The following MYB variants were observed in gnomAD, a reference collection of about 807,000 sequenced individuals.
MYB encodes the protein transcriptional activator Myb.
A neutral mutation model predicts 92.9 loss-of-function variants in MYB; 28 were observed. The ratio of observed to expected loss-of-function variants is 0.30; its 90% CI spans 0.22 to 0.41. The LOEUF is 0.41. Among genes scored for constraint, MYB ranks in the 10% least tolerant of loss-of-function variants. The pLI is 1.00. For missense variants in MYB, 679 were observed against 929.3 expected (o/e 0.73, Z 3.50); for synonymous variants, 295 against 329.1 (o/e 0.90, Z 1.12).
intron 13 of MYB, among the ~76,000 whole-genome samples, chr6:135,201,151 C>T (rs1778030590): frequency 6.6e-6 from 1 of 152,136 alleles, no homozygotes; most frequent in East Asian, 1.9e-4. Flanking sequence ...TTGGCAACAG[C>T]TGTTTTCCAC....
At chr6:135,184,607 C>A (rs1399375483) in intron 1 of MYB, among the ~76,000 whole-genome samples, 1 of 152,000 alleles carries the variant, frequency 6.6e-6, no homozygotes, top group African/African-American at 2.4e-5. Context: ...TATGAGAACC[C>A]CCAATTCAGG....
chr6:135,197,534 T>C (rs1562378490), intron 10 of MYB, among the ~76,000 whole-genome samples: 1 of 152,228 alleles, frequency 6.6e-6, no homozygotes, highest in Non-Finnish European at 1.5e-5. Flanking sequence ...TCATTCTCTC[T>C]CTTTTACTTT....
intron 15 of MYB, 123 bp downstream of exon 15, chr6:135,203,447 G>C (rs1395820218): frequency 2.6e-6 from 2 of 756,018 alleles, no homozygotes; most frequent in Non-Finnish European, 4.3e-6. Flanking sequence ...CAACATTTTA[G>C]ACATAGGGGA....
chr6:135,210,054 G>A (rs2128316213), intron 15 of MYB, among the ~76,000 whole-genome samples: 1 of 152,352 alleles, frequency 6.6e-6, no homozygotes, highest in African/African-American at 2.4e-5. Context: ...CAGACGCATA[G>A]CTCCCTCCTC....
intron 8 of MYB, chr6:135,195,219 C>G: frequency 1.7e-6 from 1 of 592,788 alleles, no homozygotes; most frequent in Non-Finnish European, 2.4e-6. Context: ...AAGGAGACTT[C>G]TGTTAATTTG....
chr6:135,215,322 C>T lies in MYB; in HGVS notation c.2170-2542C>T, dbSNP rs111741074. Among the ~76,000 whole-genome samples the T allele has an allele frequency of 3.9e-3, 600 of 152,268 alleles. 3 individuals carry two copies. The highest frequency in any genetic ancestry group is 0.014 in the African/African-American group (575 of 41,538). ...TTCCTGGATTCCAAGGCCCTGGTGC[C>T]CTGAGCACACAACTTCCCAGGTTCC... On this transcript the variant is annotated intron_variant, in intron 15 of 15. Coordinates refer to ENST00000341911, the MANE Select transcript of MYB (RefSeq NM_001130173.2).
Position 135,190,180 on chromosome 6 carries a change from G to A in MYB, c.360G>A (p.Lys120=), listed in dbSNP as rs753481896. The change falls in exon 5 of 16, where the codon AAG becomes AAA. Residue 120 remains lysine, a synonymous_variant. Transcript: ENST00000341911. This position sits in a 1 kb window ranked among gnomAD's most constrained non-coding sequence, Gnocchi z 4.5. ...CGAAACGTTGGTCTGTTATTGCCAA[G>A]CACTTAAAGGGGAGAATTGGAAAAC... is the stretch of plus-strand genomic sequence containing the variant. ...YGPKRWSVIA[K]HLKGRIGKQC... The A allele has an allele frequency of 6.2e-7, 1 of 1,614,178 alleles. No homozygotes were observed. The highest frequency in any genetic ancestry group is 1.3e-5 in the African/African-American group (1 of 75,044).
At position 135,189,817 on chromosome 6, in the gene MYB, C is replaced by T; in HGVS notation, c.240C>T (p.His80=). 1.2e-6 allele frequency: 2 copies of T among 1,613,962 alleles called. No individual in the cohort carries two copies. The highest frequency in any genetic ancestry group is 8.5e-7 in the Non-Finnish European group (1 of 1,179,860). ...ATCGAACAGATGTGCAGTGCCAGCA[C>T]CGATGGCAGAAAGTACTAAACCCTG... The part of the protein sequence containing the change: ...LPNRTDVQCQ[H]RWQKVLNPEL... The change falls in exon 4 of 16, where the codon CAC becomes CAT. Residue 80 remains histidine (H), a synonymous_variant. Transcript: ENST00000341911.
chr6:135,196,798 A>C, intron 9 of MYB, 163 bp from the exon 10 acceptor site: 5 of 1,556,482 alleles, frequency 3.2e-6, no homozygotes, highest in East Asian at 2.3e-5. Flanking sequence ...ACCCTGCTCT[A>C]CTGCAGTATA....
chr6:135,196,244 T>C (rs2128296777), intron 9 of MYB, among the ~76,000 whole-genome samples: 1 of 152,272 alleles, frequency 6.6e-6, no homozygotes, highest in East Asian at 1.9e-4. Flanking sequence ...GAGTTTTTTT[T>C]CACATTTTCA....
At chr6:135,204,495 G>C (rs1778599158) in intron 15 of MYB, among the ~76,000 whole-genome samples, 1 of 152,116 alleles carries the variant, frequency 6.6e-6, no homozygotes, top group African/African-American at 2.4e-5. Context: ...TAGAGACAAG[G>C]TTTTGCCATG....
At chr6:135,188,184 T>A (rs1184976987) in intron 3 of MYB, among the ~76,000 whole-genome samples, 2 of 152,210 alleles carry the variant, frequency 1.3e-5, no homozygotes, top group Non-Finnish European at 2.9e-5. Context: ...AGTATTTTGA[T>A]GATTTGTTAC....
At chr6:135,200,674 G>C (rs995534200) in intron 13 of MYB, 9 of 494,204 alleles carry the variant, frequency 1.8e-5, no homozygotes, top group African/African-American at 1.7e-4. Flanking sequence ...GAGGGAAAGA[G>C]GTTTTTAATG....
intron 10 of MYB, 45 bp downstream of exon 10, chr6:135,197,368 A>C (rs1777480022): frequency 7.0e-7 from 1 of 1,436,748 alleles, no homozygotes. Flanking sequence ...TTCAACAGAC[A>C]CCTGAGCCTT....
At position 135,200,150 on chromosome 6, in the gene MYB, A is replaced by C; in HGVS notation, c.1775A>C (p.Lys592Thr). ...ESSPRTPTPF[K>T]HALAAQEIKY... ...TCTCCAAGAACTCCTACACCATTCA[A>C]ACATGCACTTGCAGCTCAAGAAATT... is the stretch of plus-strand genomic sequence containing the variant. Residue 592 changes from lysine (K) to threonine (T), a missense_variant, in exon 12 of 16, where the codon AAA becomes ACA. Lys to Thr is a moderately conservative substitution (Grantham distance 78). Transcript: ENST00000341911. 2 of 1,614,212 alleles carry C rather than the reference A, an allele frequency of 1.2e-6. No homozygotes were observed. The highest frequency in any genetic ancestry group is 1.7e-6 in the Non-Finnish European group (2 of 1,180,036).
chr6:135,201,704 G>T lies in MYB; in HGVS notation c.2016G>T (p.Leu672=). ...CACACCACTGGGAAGGGGACAGTCT[G>T]AATACCCAACTGTTCACGCAGACCT... is the stretch of plus-strand genomic sequence containing the variant. ...FCSHHWEGDS[L]NTQLFTQTSP... Residue 672 remains leucine (L), a synonymous_variant, in exon 14 of 16, where the codon CTG becomes CTT. Transcript: ENST00000341911. 1 of 1,580,118 alleles carries T rather than the reference G, an allele frequency of 6.3e-7. No homozygotes were observed.
At position 135,218,141 on chromosome 6, in the gene MYB, T is replaced by C. The variant is rs751717701; in HGVS notation, c.*161T>C. The C allele has an allele frequency of 4.2e-5, 24 of 568,834 alleles. No homozygotes were observed. The highest frequency in any genetic ancestry group is 8.5e-5 in the South Asian group (4 of 46,894). The allele number at this position is 568,834 out of a possible 1,614,324, so 35.2% of individuals were successfully genotyped here. A position where few individuals can be genotyped will look rare whatever the true frequency, so the allele number is the denominator to read the frequency against. On this transcript the variant is annotated 3_prime_UTR_variant, in exon 16 of 16. Transcript: ENST00000341911. ...AAGTGCATTTAGTTGAATGAAGTCT[T>C]CTTGGATTTCACCCAACTAAAAGGA...
chr6:135,199,613 A>T, intron 11 of MYB: 1 of 872,470 alleles, frequency 1.1e-6, no homozygotes, highest in East Asian at 1.1e-4. Context: ...ATAAAGCCTT[A>T]ATCAATTCAG....
At position 135,203,657 on chromosome 6, in the gene MYB, TATATC is replaced by T. The variant is rs914247619; in HGVS notation, c.2169+335_2169+339del. 3.3e-5 allele frequency: 42 copies of T among 1,268,182 alleles called. 1 individual carries two copies. The Admixed American group carries it at 9.7e-4, about 29-fold the overall frequency. The allele number at this position is 1,268,182 out of a possible 1,614,324, so 78.6% of individuals were successfully genotyped here. A position where few individuals can be genotyped will look rare whatever the true frequency, so the allele number is the denominator to read the frequency against. On this transcript the variant is annotated intron_variant, in intron 15 of 15. Transcript: ENST00000341911. ...TCTGCCCTCAAATGTTTTATAAAAA[TATATC>T]AATATAGTTTACTTTATGTTCCAAA... is the stretch of plus-strand genomic sequence containing the variant.
Sources: allele counts gnomAD v4.1 joint callset (sites outside exome capture counted in the v4.1 genomes callset), GRCh38; gene constraint gnomAD v4.1.1; non-coding constraint Gnocchi (gnomAD v3.1); transcripts MANE v1.5; gene names NCBI Gene and HGNC (gene_info 2026-07-23, HGNC 2026-07-21).